Variants in SETD2 observed in about 807,000 individuals in gnomAD.
SETD2 encodes the protein histone-lysine N-methyltransferase SETD2.
Under a neutral mutation model 242.1 loss-of-function variants are expected in SETD2, and 31 were observed. The observed-to-expected ratio is 0.13, with a 90% CI of 0.10 to 0.17. The LOEUF (loss-of-function observed/expected upper bound fraction) is 0.17. Among genes scored for constraint, SETD2 ranks in the 10% least tolerant of loss-of-function variants. SETD2 has a pLI of 1.00. For synonymous variants in SETD2, 1,006 were observed against 1,066.5 expected, an observed-to-expected ratio of 0.94 and a Z score of 1.11; for missense variants, 2,481 against 3,046.3, an observed-to-expected ratio of 0.81 and a Z score of 4.37.
At chr3:47,105,055 A>G (rs1165441423) in intron 6 of SETD2, among the ~76,000 whole-genome samples, 1 of 152,138 alleles carries the variant, frequency 6.6e-6, no homozygotes, top group African/African-American at 2.4e-5. Context: ...TAAATTTCTC[A>G]GTTGTGATTT....
chr3:47,089,538 A>T (rs1465486452), intron 9 of SETD2, among the ~76,000 whole-genome samples: 1 of 152,206 alleles, frequency 6.6e-6, no homozygotes, highest in South Asian at 2.1e-4. Flanking sequence ...CAAGGATTTT[A>T]TAATTATGCT....
In SETD2 at chr3:47,105,665, C is replaced by A. The variant is rs587777969; in HGVS notation, c.4839+332G>T. 44 of 450,056 alleles carry A rather than the reference C, an allele frequency of 9.8e-5. No homozygotes were observed. The highest frequency in any genetic ancestry group is 1.8e-4 in the Non-Finnish European group (41 of 226,610). 27.9% of individuals were successfully genotyped at this position (450,056 alleles called of 1,614,324 possible). ...AGTCGGCAGGACACGGTGGCTCATG[C>A]CTGTAATCTCAATGCTTTGGTGAGG... On this transcript the variant is annotated intron_variant, in intron 6 of 20. Coordinates refer to ENST00000409792, the MANE Select transcript of SETD2 (RefSeq NM_014159.7).
Position 47,066,915 on chromosome 3 carries a change from C to T in SETD2, c.6109+155G>A, listed in dbSNP as rs926086655. ...GCAAAATGCATTAAGAATAAAAGCA[C>T]AAGTTTCCAAACTTTTACACCAAAT... On this transcript the variant is annotated intron_variant, in intron 13 of 20. Coordinates refer to ENST00000409792, the MANE Select transcript of SETD2 (RefSeq NM_014159.7). The T allele has an allele frequency of 1.4e-5, 8 of 590,832 alleles. No individual in the cohort carries two copies. The African/African-American group carries it at 1.5e-4, about 11-fold the overall frequency. The allele number at this position is 590,832 out of a possible 1,614,324, so 36.6% of individuals were successfully genotyped here. A position where few individuals can be genotyped will look rare whatever the true frequency, so the allele number is the denominator to read the frequency against.
intron 5 of SETD2, among the ~76,000 whole-genome samples, chr3:47,109,323 T>A (rs1260329769): frequency 6.6e-6 from 1 of 152,194 alleles, no homozygotes; most frequent in African/African-American, 2.4e-5. Flanking sequence ...TTCAACTCTT[T>A]CAACTTTTCT....
intron 3 of SETD2, among the ~76,000 whole-genome samples, chr3:47,117,794 T>G (rs1177551351): frequency 6.6e-6 from 1 of 152,266 alleles, no homozygotes; most frequent in Non-Finnish European, 1.5e-5. Context: ...GCGTTCATAA[T>G]AAGCCATGCC....
intron 11 of SETD2, among the ~76,000 whole-genome samples, chr3:47,085,756 G>C (rs1365579384): frequency 6.6e-6 from 1 of 152,132 alleles, no homozygotes; most frequent in Non-Finnish European, 1.5e-5. Context: ...CCTTTACTTA[G>C]ATCTTTTAAA....
In SETD2 at chr3:47,122,698, A is replaced by G. The variant is rs369288116; in HGVS notation, c.1938T>C (p.His646=). ...FKSEFITHDS[H]DSIKELDSLS... is the part of the protein sequence containing the mutation. ...AAGAGTCTAATTCCTTAATACTATC[A>G]TGGCTATCATGTGTTATAAATTCGG... The change falls in exon 3 of 21, where the codon CAT becomes CAC. Residue 646 remains histidine, a synonymous_variant. Transcript: ENST00000409792. The G allele has an allele frequency of 9.9e-6, 16 of 1,612,248 alleles. No homozygotes were observed. In the African/African-American group the frequency reaches 2.1e-4, roughly 22 times the overall value.
intron 1 of SETD2, 195 bp downstream of exon 1, chr3:47,163,659 A>G (rs1559775006): frequency 2.8e-6 from 1 of 353,152 alleles, no homozygotes; most frequent in Non-Finnish European, 4.7e-6. Flanking sequence ...GCCGGGCCCA[A>G]CCGCGGGCCT....
rs1369490385 is a variant in SETD2 at position 47,017,285 on chromosome 3, C to G, written c.7534-31G>C. ...CAGGGCACAGGAAGAGAGACCACAG[C>G]CACCAATCAGAGCAGAAATTATATG... On this transcript the variant is annotated intron_variant, in intron 20 of 20. Transcript: ENST00000409792. The surrounding 1 kb of genome is among the most constrained non-coding windows in gnomAD (Gnocchi z 4.8). The G allele has an allele frequency of 6.2e-7, 1 of 1,611,764 alleles. No homozygotes were observed. Among genetic ancestry groups the G allele is most frequent in the African/African-American group, 1.3e-5 (1 of 74,800 alleles).
At chr3:47,157,136 GC>G (rs2044143759) in intron 1 of SETD2, among the ~76,000 whole-genome samples, 1 of 152,018 alleles carries the variant, frequency 6.6e-6, no homozygotes, top group Admixed American at 6.6e-5. Context: ...GGTGGCATGT[GC>G]CCACAGTCCC....
In SETD2 at chr3:47,101,009, C is replaced by CAA. The variant is rs1164475680; in HGVS notation, c.5015+447_5015+448dup. Among the ~76,000 whole-genome samples the CAA allele has an allele frequency of 4.2e-3, 97 of 23,078 alleles. 4 individuals carry two copies. The highest frequency in any genetic ancestry group is 5.1e-3 in the Non-Finnish European group (58 of 11,476). 15.1% of individuals were successfully genotyped at this position (23,078 alleles called of 152,430 possible). A position where few individuals can be genotyped will look rare whatever the true frequency, so the allele number is the denominator to read the frequency against. On this transcript the variant is annotated intron_variant, in intron 8 of 20. Transcript: ENST00000409792. Reference sequence around the variant, plus strand: ...TGGGCGACAGAGCAAGAGTCCATCTCAAAAAAAAAAAAAAAAAAAAAAAAA... The same window carrying CAA: ...TGGGCGACAGAGCAAGAGTCCATCTCAAAAAAAAAAAAAAAAAAAAAAAAAAA...
At chr3:47,027,179 ATT>A in intron 18 of SETD2, among the ~76,000 whole-genome samples, 1 of 151,824 alleles carries the variant, frequency 6.6e-6, no homozygotes. Flanking sequence ...ACTAAAAAAT[ATT>A]TAAAAAATTA....
chr3:47,157,601 T>C (rs908584954), intron 1 of SETD2: 142 of 453,392 alleles, frequency 3.1e-4, no homozygotes, highest in African/African-American at 2.6e-3. Context: ...ACCAGGGGCG[T>C]GGTGGCTCAT....
chr3:47,039,892 A>C (rs928586951), intron 17 of SETD2, among the ~76,000 whole-genome samples: 1 of 151,816 alleles, frequency 6.6e-6, no homozygotes, highest in South Asian at 2.1e-4. Context: ...CTCAAAAAAA[A>C]AAAAAAAAAG....
At chr3:47,141,758 C>G (rs2043734727) in intron 1 of SETD2, among the ~76,000 whole-genome samples, 1 of 152,062 alleles carries the variant, frequency 6.6e-6, no homozygotes, top group Admixed American at 6.6e-5. Flanking sequence ...ACCACCCGAC[C>G]AAAATCAAAA....
chr3:47,046,803 C>A, intron 15 of SETD2, 182 bp from the exon 16 acceptor site: 1 of 392,782 alleles, frequency 2.5e-6, no homozygotes, highest in East Asian at 3.9e-5. Context: ...TCTTTTTTTA[C>A]TAATTCCCTA....
At chr3:47,056,739 G>T in intron 15 of SETD2, 82 bp downstream of exon 15, 1 of 1,099,270 alleles carries the variant, frequency 9.1e-7, no homozygotes. Flanking sequence ...TCCATGGTAA[G>T]ACTTCCTCCC....
chr3:47,045,089 T>G (rs768152285), intron 16 of SETD2, among the ~76,000 whole-genome samples: 2 of 152,156 alleles, frequency 1.3e-5, no homozygotes, highest in Non-Finnish European at 2.9e-5. Context: ...ATAGCTGGTC[T>G]AGGAAATTGT....
chr3:47,096,571 CAAAA>C (rs759377907), intron 9 of SETD2, among the ~76,000 whole-genome samples: 8 of 31,970 alleles, frequency 2.5e-4, no homozygotes, highest in African/African-American at 1.1e-3. Flanking sequence ...GATTTTGCCT[CAAAA>C]AAAAAAAAAA....
Sources: gnomAD v4.1 joint callset for allele counts (sites outside exome capture counted in the v4.1 genomes callset) on GRCh38, gnomAD v4.1.1 for gene constraint, Gnocchi (gnomAD v3.1) non-coding constraint, MANE v1.5 for transcripts, NCBI Gene and HGNC (gene_info 2026-07-23, HGNC 2026-07-21) for gene names.